KCNQ1: variants seen among roughly 807,000 people sequenced by gnomAD.
KCNQ1 encodes the protein potassium voltage-gated channel subfamily KQT member 1.
In KCNQ1, 49 loss-of-function variants were observed where a neutral mutation model predicts 72.4. That is an observed-to-expected ratio of 0.68 (90% CI 0.54 to 0.86). The LOEUF (loss-of-function observed/expected upper bound fraction) is 0.86, where lower values mean the gene tolerates loss of function less well. KCNQ1 is among the 40% of genes least tolerant of loss of function. The pLI is 0.00. For synonymous variants in KCNQ1, 450 were observed against 412.6 expected, an observed-to-expected ratio of 1.09 and a Z score of -1.10; for missense variants, 790 against 945.1, an observed-to-expected ratio of 0.84 and a Z score of 2.15.
chr11:2,446,857 C>T lies in KCNQ1; in HGVS notation c.386+1373C>T, dbSNP rs1455224727. On this transcript the variant is annotated intron_variant, in intron 1 of 15. Coordinates refer to ENST00000155840, the MANE Select transcript of KCNQ1 (RefSeq NM_000218.3). This position sits in a 1 kb window ranked among gnomAD's most constrained non-coding sequence, Gnocchi z 8.8. Reference sequence around the variant, plus strand: ...GCTCGTGGCTGCAACAGCGGGGGCTCGGCTTGGGGTTTGGGAGATATTTGT... The same window carrying T: ...GCTCGTGGCTGCAACAGCGGGGGCTTGGCTTGGGGTTTGGGAGATATTTGT... 1.3e-5 allele frequency among the ~76,000 whole-genome samples: 2 copies of T among 152,190 alleles called. No homozygotes were observed. Among genetic ancestry groups the T allele is most frequent in the African/African-American group, 2.4e-5 (1 of 41,444 alleles).
intron 11 of KCNQ1, among the ~76,000 whole-genome samples, chr11:2,758,705 G>A (rs942231570): frequency 3.3e-5 from 5 of 152,220 alleles, no homozygotes; most frequent in African/African-American, 1.2e-4. Flanking sequence ...TCCCTACCCT[G>A]AAACACTACC....
In KCNQ1 at chr11:2,479,700, A is replaced by G. The variant is rs1314673721; in HGVS notation, c.386+34216A>G. 1.3e-5 allele frequency among the ~76,000 whole-genome samples: 2 copies of G among 152,154 alleles called. No individual in the cohort carries two copies. The highest frequency in any genetic ancestry group is 1.5e-5 in the Non-Finnish European group (1 of 68,024). ...GACATGCCCTGGAGACATTTTCCCC[A>G]TTGTCTTAGTGATTAACATTTGGCT... On this transcript the variant is annotated intron_variant, in intron 1 of 15. Transcript: ENST00000155840. The surrounding 1 kb of genome is among the most constrained non-coding windows in gnomAD (Gnocchi z 4.6).
chr11:2,575,133 C>G (rs1445580440), intron 6 of KCNQ1, among the ~76,000 whole-genome samples: 1 of 152,218 alleles, frequency 6.6e-6, no homozygotes, highest in Non-Finnish European at 1.5e-5. Flanking sequence ...CAGCCGCCCA[C>G]TGGAGCTGTG....
chr11:2,633,989 G>C (rs940703676), intron 10 of KCNQ1: 9 of 398,496 alleles, frequency 2.3e-5, no homozygotes, highest in Admixed American at 1.8e-4. Flanking sequence ...TTGTTGAAGA[G>C]TCGACTGTAT....
intron 2 of KCNQ1, among the ~76,000 whole-genome samples, chr11:2,555,499 G>C (rs757619445): frequency 1.4e-3 from 206 of 152,348 alleles, no homozygotes; most frequent in Non-Finnish European, 2.3e-3. Flanking sequence ...GGCGGCTAAT[G>C]GTGTCTGCAG....
intron 14 of KCNQ1, among the ~76,000 whole-genome samples, 185 bp downstream of exon 14, chr11:2,777,217 C>T (rs1846724309): frequency 1.3e-5 from 2 of 152,156 alleles, no homozygotes; most frequent in African/African-American, 2.4e-5. Context: ...CTCCAAAGTA[C>T]ATTTTACAAA....
intron 15 of KCNQ1, among the ~76,000 whole-genome samples, chr11:2,844,697 GTC>G (rs777518346): frequency 1.3e-5 from 2 of 152,216 alleles, no homozygotes; most frequent in African/African-American, 4.8e-5. Flanking sequence ...GACACCCACT[GTC>G]TCTTTCTGTC....
At position 2,478,260 on chromosome 11, in the gene KCNQ1, C is replaced by T. The variant is rs1051351413; in HGVS notation, c.386+32776C>T. ...AAACGTAGAAGGCTAAATAAAGTAC[C>T]GTTCAGGGTGAAGGGGAAGGAAGAA... is the stretch of plus-strand genomic sequence containing the variant. On this transcript the variant is annotated intron_variant, in intron 1 of 15. Coordinates refer to ENST00000155840, the MANE Select transcript of KCNQ1 (RefSeq NM_000218.3). This position sits in a 1 kb window ranked among gnomAD's most constrained non-coding sequence, Gnocchi z 4.0. 1.1e-4 allele frequency among the ~76,000 whole-genome samples: 16 copies of T among 152,216 alleles called. No individual in the cohort carries two copies. Among genetic ancestry groups the T allele is most frequent in the Admixed American group, 3.3e-4 (5 of 15,300 alleles).
intron 11 of KCNQ1, among the ~76,000 whole-genome samples, chr11:2,719,429 A>G (rs1006226923): frequency 6.6e-6 from 1 of 151,778 alleles, no homozygotes; most frequent in African/African-American, 2.4e-5. Context: ...TGGGAGGTCA[A>G]GAGTGCAGTG....
chr11:2,616,826 G>A, intron 10 of KCNQ1: 1 of 398,256 alleles, frequency 2.5e-6, no homozygotes, highest in Non-Finnish European at 4.4e-6. Flanking sequence ...CCTAGGGAAT[G>A]TTCCATGTGC....
At chr11:2,636,560 T>C (rs1387874054) in intron 10 of KCNQ1, 1 of 152,136 alleles carries the variant, frequency 6.6e-6, no homozygotes, top group Non-Finnish European at 1.5e-5. Flanking sequence ...GGATAAGCTT[T>C]TTGATGTGCT....
Position 2,682,517 on chromosome 11 carries a change from C to A in KCNQ1, c.1514+20436C>A. The A allele has an allele frequency of 2.6e-6, 1 of 385,152 alleles. No individual in the cohort carries two copies. The highest frequency in any genetic ancestry group is 1.3e-4 in the South Asian group (1 of 7,480). The allele number at this position is 385,152 out of a possible 1,614,324, so 23.9% of individuals were successfully genotyped here. ...GAGTGAGTGAGTGAGTACTTGTGCC[C>A]AGGTCAAACCAGGTGCTAGGACCCT... On this transcript the variant is annotated intron_variant, in intron 11 of 15. Transcript: ENST00000155840. This position sits in a 1 kb window ranked among gnomAD's most constrained non-coding sequence, Gnocchi z 5.8.
rs932741748 is a variant in KCNQ1 at position 2,768,369 on chromosome 11, T to C, written c.1515-475T>C. ...GTGGCAACTTTCCCTTGTTAATTTG[T>C]CCTGTAGCCCCTACTTTCCCAAGCG... On this transcript the variant is annotated intron_variant, in intron 11 of 15. Transcript: ENST00000155840. The surrounding 1 kb of genome is among the most constrained non-coding windows in gnomAD (Gnocchi z 6.7). Among the ~76,000 whole-genome samples the C allele has an allele frequency of 2.6e-5, 4 of 152,202 alleles. No homozygotes were observed. The highest frequency in any genetic ancestry group is 2.0e-4 in the Admixed American group (3 of 15,278).
chr11:2,462,769 C>CG lies in KCNQ1; in HGVS notation c.386+17290dup, dbSNP rs1239717995. Reference sequence around the variant, plus strand: ...CAAGAACCACAGGCAAAGAGGGTGCCGGGGGCAGGGAAGGCCTGGAGGTTT... The same window carrying CG: ...CAAGAACCACAGGCAAAGAGGGTGCCGGGGGGCAGGGAAGGCCTGGAGGTTT... On this transcript the variant is annotated intron_variant, in intron 1 of 15. Transcript: ENST00000155840. This position sits in a 1 kb window ranked among gnomAD's most constrained non-coding sequence, Gnocchi z 8.2. 1.3e-5 allele frequency among the ~76,000 whole-genome samples: 2 copies of CG among 152,188 alleles called. No homozygotes were observed. The highest frequency in any genetic ancestry group is 2.1e-4 in the South Asian group (1 of 4,812).
chr11:2,644,940 G>T (rs1310315569), intron 10 of KCNQ1: 4 of 398,612 alleles, frequency 1.0e-5, no homozygotes, highest in Middle Eastern at 6.2e-4. Flanking sequence ...AGTGGCAGCA[G>T]TGGCTGGCCC....
intron 1 of KCNQ1, among the ~76,000 whole-genome samples, chr11:2,517,720 G>A (rs1212253138): frequency 6.6e-6 from 1 of 152,194 alleles, no homozygotes; most frequent in African/African-American, 2.4e-5. Flanking sequence ...TGGGACCATG[G>A]CCCTGGGAGC....
intron 1 of KCNQ1, among the ~76,000 whole-genome samples, chr11:2,470,393 C>T (rs946829281): frequency 1.3e-5 from 2 of 152,070 alleles, no homozygotes; most frequent in Non-Finnish European, 2.9e-5. Flanking sequence ...AGTTAGAGCC[C>T]AGTAAATCTA....
intron 6 of KCNQ1, among the ~76,000 whole-genome samples, chr11:2,573,691 C>T (rs1256861229): frequency 2.6e-5 from 4 of 152,024 alleles, no homozygotes; most frequent in African/African-American, 4.8e-5. Context: ...TTGGGGAAGC[C>T]GGTGTGCAGC....
intron 11 of KCNQ1, chr11:2,696,919 C>T: frequency 2.5e-6 from 1 of 398,386 alleles, no homozygotes; most frequent in South Asian, 1.3e-4. Flanking sequence ...GATCTTATAT[C>T]CAAAACCTCT....
Sources: gnomAD v4.1 joint callset for allele counts (sites outside exome capture counted in the v4.1 genomes callset) on GRCh38, gnomAD v4.1.1 for gene constraint, Gnocchi (gnomAD v3.1) non-coding constraint, MANE v1.5 for transcripts, NCBI Gene and HGNC (gene_info 2026-07-23, HGNC 2026-07-21) for gene names.